RBFOX3: variants seen among roughly 807,000 people sequenced by gnomAD.
The protein encoded by RBFOX3 is RNA binding fox-1 homolog 3, also known as RNA binding protein fox-1 homolog 3.
Under a neutral mutation model 48.7 loss-of-function variants are expected in RBFOX3, and 17 were observed. The observed-to-expected ratio is 0.35, with a 90% confidence interval of 0.24 to 0.52. The LOEUF is 0.52. RBFOX3 is among the 20% of genes least tolerant of loss of function. The probability of loss-of-function intolerance (pLI) is 0.94; values close to 1 mark genes in which losing one functional copy is unlikely to be tolerated. For synonymous variants in RBFOX3, 212 were observed against 209.5 expected (o/e 1.01, Z -0.10); for missense variants, 382 against 497.5 (o/e 0.77, Z 2.21).
chr17:79,656,813 A>AAGAAAGAAAGAG, the RBFOX3 span, among the ~76,000 whole-genome samples: 1 of 73,630 alleles, frequency 1.4e-5, no homozygotes, highest in African/African-American at 5.8e-5. Context: ...AAAGAAAAGA[A>AAGAAAGAAAGAG]AGAGAAAGAA....
Position 79,104,958 on chromosome 17 carries a change from C to T in RBFOX3, c.361-832G>A, listed in dbSNP as rs144548139. The stretch of plus-strand genomic sequence containing the variant: ...GTCGTTTGGGCCAGCTGGGCCATGA[C>T]GCTCTAGCTGCCTTCTTCCCTCCCA... On this transcript the variant is annotated intron_variant, in intron 6 of 14. Coordinates refer to ENST00000693108, the MANE Select transcript of RBFOX3 (RefSeq NM_001350451.2). Among the ~76,000 whole-genome samples, 7 of 20,578 alleles carry T rather than the reference C, an allele frequency of 3.4e-4. No homozygotes were observed. In the South Asian group the frequency reaches 5.0e-3, roughly 15 times the overall value. The allele number at this position is 20,578 out of a possible 152,430, so 13.5% of individuals were successfully genotyped here. A position where few individuals can be genotyped will look rare whatever the true frequency, so the allele number is the denominator to read the frequency against.
chr17:79,514,399 A>G (rs1479471601), intron 1 of RBFOX3, among the ~76,000 whole-genome samples: 1 of 152,188 alleles, frequency 6.6e-6, no homozygotes, highest in African/African-American at 2.4e-5. Flanking sequence ...CTATTGCCTC[A>G]CTGAGTCCTC....
chr17:79,369,231 G>A (rs911039367), intron 2 of RBFOX3, among the ~76,000 whole-genome samples: 4 of 152,116 alleles, frequency 2.6e-5, no homozygotes, highest in East Asian at 1.9e-4. Context: ...CTGTGGCACC[G>A]GGTGCCAACA....
intron 3 of RBFOX3, among the ~76,000 whole-genome samples, chr17:79,277,868 G>A (rs997807417): frequency 2.6e-4 from 39 of 152,340 alleles, no homozygotes; most frequent in African/African-American, 8.7e-4. Context: ...CTGCACCTTG[G>A]GCAGGGGACT....
At chr17:79,264,695 G>T (rs2066379814) in intron 3 of RBFOX3, among the ~76,000 whole-genome samples, 2 of 152,148 alleles carry the variant, frequency 1.3e-5, no homozygotes, top group East Asian at 3.9e-4. Context: ...CCCACCTGAT[G>T]CTGTTTCTGT....
At chr17:79,512,823 G>A (rs1265581129) in intron 1 of RBFOX3, among the ~76,000 whole-genome samples, 18 of 134,000 alleles carry the variant, frequency 1.3e-4, no homozygotes, top group South Asian at 4.9e-4. Flanking sequence ...ACGCACACCC[G>A]GATACGTGTT....
At chr17:79,232,241 C>T (rs2061124016) in intron 4 of RBFOX3, among the ~76,000 whole-genome samples, 1 of 152,152 alleles carries the variant, frequency 6.6e-6, no homozygotes, top group African/African-American at 2.4e-5. Flanking sequence ...GATCAAAATC[C>T]CAGCAGGCAT....
At chr17:79,302,854 A>G (rs2145400507) in intron 3 of RBFOX3, among the ~76,000 whole-genome samples, 1 of 152,266 alleles carries the variant, frequency 6.6e-6, no homozygotes, top group Middle Eastern at 3.4e-3. Context: ...GAGTGATGGA[A>G]ATGTTTTGGA....
At chr17:79,467,649 G>A (rs775708055) in intron 2 of RBFOX3, among the ~76,000 whole-genome samples, 11 of 152,162 alleles carry the variant, frequency 7.2e-5, no homozygotes, top group Non-Finnish European at 7.3e-5. Flanking sequence ...CACCTGTTCC[G>A]TGGGGCTTAG....
intron 2 of RBFOX3, among the ~76,000 whole-genome samples, chr17:79,353,726 C>T (rs945008520): frequency 8.5e-5 from 13 of 152,190 alleles, no homozygotes; most frequent in Non-Finnish European, 1.8e-4. Context: ...CAGCCAGTCG[C>T]GTTTGTGCAC....
rs968014094 is a variant in RBFOX3, at chr17:79,485,349, A to C, written c.-319-2751T>G. On this transcript the variant is annotated intron_variant, in intron 1 of 14. Coordinates refer to ENST00000693108, the MANE Select transcript of RBFOX3 (RefSeq NM_001350451.2). ...TGCTGCCCAGCCTGGCAGCCAGTCC[A>C]GGGCCAGGGAACATAAACCCTTGAA... Among the ~76,000 whole-genome samples, 28 of 152,288 alleles carry C rather than the reference A, an allele frequency of 1.8e-4. No individual in the cohort carries two copies. In the East Asian group the frequency reaches 4.5e-3, roughly 24 times the overall value.
At chr17:79,656,252 C>A in the RBFOX3 span, among the ~76,000 whole-genome samples, 1 of 152,228 alleles carries the variant, frequency 6.6e-6, no homozygotes, top group Non-Finnish European at 1.5e-5. Context: ...CTCCTCCACT[C>A]TACCCTTGTC....
intron 4 of RBFOX3, among the ~76,000 whole-genome samples, chr17:79,203,881 C>G (rs2057140407): frequency 6.6e-6 from 1 of 152,084 alleles, no homozygotes; most frequent in Non-Finnish European, 1.5e-5. Context: ...GGAGCCTGAA[C>G]CCACGGACAT....
At position 79,294,498 on chromosome 17, in the gene RBFOX3, G is replaced by A. The variant is rs543965410; in HGVS notation, c.-74+13226C>T. ...GCTAATTTTTTGTATTTTCAGTAGA[G>A]ATAGGGTTTCACCATTTTGGCCAGA... On this transcript the variant is annotated intron_variant, in intron 3 of 14. Coordinates refer to ENST00000693108, the MANE Select transcript of RBFOX3 (RefSeq NM_001350451.2). Among the ~76,000 whole-genome samples, 369 of 152,278 alleles carry A rather than the reference G, an allele frequency of 2.4e-3. 4 individuals are homozygous for A. The highest frequency in any genetic ancestry group is 8.7e-3 in the African/African-American group (363 of 41,542).
chr17:79,223,739 A>G (rs1358987843), intron 4 of RBFOX3, among the ~76,000 whole-genome samples: 1 of 152,194 alleles, frequency 6.6e-6, no homozygotes, highest in African/African-American at 2.4e-5. Context: ...AGGGATTCTG[A>G]GGCCTGGGCA....
At chr17:79,557,512 C>T (rs956923481) in intron 1 of RBFOX3, among the ~76,000 whole-genome samples, 1 of 152,176 alleles carries the variant, frequency 6.6e-6, no homozygotes, top group African/African-American at 2.4e-5. Context: ...CGTCTGGGGC[C>T]GTGGGAGCCC....
chr17:79,348,762 T>C (rs1478348929), intron 2 of RBFOX3, among the ~76,000 whole-genome samples: 7 of 151,824 alleles, frequency 4.6e-5, no homozygotes, highest in Admixed American at 4.6e-4. Flanking sequence ...GTATTTTTAG[T>C]AGGGACGGGG....
chr17:79,096,674 T>G lies in RBFOX3; in HGVS notation c.915A>C (p.Gly305=). The G allele has an allele frequency of 7.0e-7, 1 of 1,432,322 alleles. No homozygotes were observed. Among genetic ancestry groups the G allele is most frequent in the Non-Finnish European group, 9.3e-7 (1 of 1,073,180 alleles). The allele number at this position is 1,432,322 out of a possible 1,614,324, so 88.7% of individuals were successfully genotyped here. A position where few individuals can be genotyped will look rare whatever the true frequency, so the allele number is the denominator to read the frequency against. ...TTACATAAATCTCAGCACCATAAAA[T>G]CCATCCTGATACACGACCCTGGAAG... ...PFASRVVYQD[G]FYGAEIYGGY... The change falls in exon 12 of 15, where the codon GGA becomes GGC. Residue 305 remains glycine (G), a synonymous_variant. Transcript: ENST00000693108.
At chr17:79,625,323 G>A in the RBFOX3 span, among the ~76,000 whole-genome samples, 1 of 152,190 alleles carries the variant, frequency 6.6e-6, no homozygotes, top group Non-Finnish European at 1.5e-5. Flanking sequence ...ATGCGGCCAT[G>A]CCCTTGCCTG....
Sources: gnomAD v4.1 joint callset for allele counts (sites outside exome capture counted in the v4.1 genomes callset) on GRCh38, gnomAD v4.1.1 for gene constraint, MANE v1.5 for transcripts, NCBI Gene and HGNC (gene_info 2026-07-23, HGNC 2026-07-21) for gene names.